The following STIM1 variants were observed in gnomAD, a reference collection of about 807,000 sequenced individuals.
The protein encoded by STIM1 is stromal interaction molecule 1.
STIM1 carries 25 observed loss-of-function variants against 74.7 expected under a neutral mutation model. That is an observed-to-expected ratio of 0.33 (90% confidence interval 0.24 to 0.47). The LOEUF (loss-of-function observed/expected upper bound fraction) is 0.47, where lower values mean the gene tolerates loss of function less well. Ranked by LOEUF, STIM1 falls within the 20% of genes least tolerant of loss-of-function variation. The pLI, the probability that STIM1 is intolerant of heterozygous loss-of-function variation, is 1.00. For missense variants in STIM1, 728 were observed against 920.8 expected (o/e 0.79, Z 2.71); for synonymous variants, 328 against 348.8 (o/e 0.94, Z 0.66).
rs2094531001 is a variant in STIM1, at chr11:4,092,673, G to C, written c.*875G>C. ...CAGGACAAGTGGCTCCCCTGGCCAG[G>C]AGAGCCACAGCCATGATACAGGGCT... On this transcript the variant is annotated 3_prime_UTR_variant, in exon 13 of 13. Transcript: ENST00000526596. 1 of 152,202 alleles carries C rather than the reference G, an allele frequency of 6.6e-6. No homozygotes were observed. The highest frequency in any genetic ancestry group is 2.1e-4 in the South Asian group (1 of 4,828). The allele number at this position is 152,202 out of a possible 1,614,324, so 9.4% of individuals were successfully genotyped here.
intron 1 of STIM1, among the ~76,000 whole-genome samples, chr11:3,900,544 T>C (rs1321497728): frequency 6.6e-6 from 1 of 152,242 alleles, no homozygotes; most frequent in Non-Finnish European, 1.5e-5. Flanking sequence ...CTGGGAGCTG[T>C]AGGCCAGAGC....
chr11:4,091,221 T>C (rs2094522514), intron 12 of STIM1, 61 bp from the exon 13 acceptor site: 2 of 1,610,580 alleles, frequency 1.2e-6, no homozygotes, highest in Non-Finnish European at 1.7e-6. Context: ...CCTCTTCGCC[T>C]TTCCCCTATC....
At chr11:3,965,864 G>T (rs561710346) in intron 1 of STIM1, among the ~76,000 whole-genome samples, 6 of 152,166 alleles carry the variant, frequency 3.9e-5, no homozygotes, top group Non-Finnish European at 7.4e-5. Flanking sequence ...AAAATTAGCC[G>T]GGCGTGGTGG....
intron 2 of STIM1, among the ~76,000 whole-genome samples, chr11:3,979,196 T>G (rs1354589548): frequency 3.3e-5 from 5 of 152,162 alleles, no homozygotes; most frequent in African/African-American, 1.2e-4. Context: ...TAATTAATAA[T>G]AATTATATTC....
At chr11:3,858,600 A>G (rs1258396296) in intron 1 of STIM1, among the ~76,000 whole-genome samples, 1 of 152,194 alleles carries the variant, frequency 6.6e-6, no homozygotes. Context: ...GGTGGTTCAT[A>G]TAGACTGGGA....
chr11:4,026,531 AT>A (rs760627219), intron 3 of STIM1, among the ~76,000 whole-genome samples: 10 of 152,200 alleles, frequency 6.6e-5, no homozygotes, highest in Non-Finnish European at 8.8e-5. Context: ...CCCCGATAAG[AT>A]TACTCTCACT....
At chr11:3,961,005 GGT>G (rs938762219) in intron 1 of STIM1, among the ~76,000 whole-genome samples, 11 of 151,716 alleles carry the variant, frequency 7.3e-5, no homozygotes, top group African/African-American at 2.7e-4. Context: ...GTCCCTGAAA[GGT>G]GATTTTTTTT....
At chr11:4,071,897 T>C (rs1020520168) in intron 6 of STIM1, among the ~76,000 whole-genome samples, 6 of 152,146 alleles carry the variant, frequency 3.9e-5, no homozygotes, top group East Asian at 1.9e-4. Context: ...AGCAGACTTA[T>C]TGGATTTATT....
At chr11:3,965,922 G>C (rs2093336281) in intron 1 of STIM1, among the ~76,000 whole-genome samples, 2 of 152,218 alleles carry the variant, frequency 1.3e-5, no homozygotes, top group African/African-American at 4.8e-5. Context: ...CAGGAGAATT[G>C]CTTGAGCCCA....
chr11:3,988,424 C>T (rs564924608), intron 2 of STIM1, among the ~76,000 whole-genome samples: 2 of 152,106 alleles, frequency 1.3e-5, no homozygotes, highest in African/African-American at 2.4e-5. Flanking sequence ...TCTTAACATA[C>T]GTACCGAAAA....
rs191058460 is a variant in STIM1, at chr11:4,064,480, A to G, written c.613+5084A>G. Among the ~76,000 whole-genome samples, 640 of 152,324 alleles carry G rather than the reference A, an allele frequency of 4.2e-3. 2 individuals carry two copies. The highest frequency in any genetic ancestry group is 0.014 in the African/African-American group (575 of 41,570). ...GAGCAGACACTTAGACCTCATCATC[A>G]GTCATTTAGCACACAAACACCCCAG... On this transcript the variant is annotated intron_variant, in intron 5 of 12. Coordinates refer to ENST00000526596, the MANE Select transcript of STIM1 (RefSeq NM_001382567.1).
chr11:3,893,815 C>T (rs2091971725), intron 1 of STIM1, among the ~76,000 whole-genome samples: 1 of 152,098 alleles, frequency 6.6e-6, no homozygotes, highest in African/African-American at 2.4e-5. Flanking sequence ...TGCCACCATG[C>T]CTGGCTAATA....
chr11:3,959,290 G>C (rs2093257864), intron 1 of STIM1, among the ~76,000 whole-genome samples: 1 of 152,186 alleles, frequency 6.6e-6, no homozygotes, highest in African/African-American at 2.4e-5. Context: ...ATGAATTACT[G>C]TTTAGTGACG....
At chr11:3,968,747 A>C (rs1332730252) in intron 2 of STIM1, among the ~76,000 whole-genome samples, 1 of 152,248 alleles carries the variant, frequency 6.6e-6, no homozygotes, top group African/African-American at 2.4e-5. Context: ...CTATCTTTAA[A>C]TACATAAGAA....
intron 1 of STIM1, among the ~76,000 whole-genome samples, chr11:3,866,759 A>C (rs1195300145): frequency 1.3e-5 from 2 of 152,184 alleles, no homozygotes; most frequent in Non-Finnish European, 2.9e-5. Context: ...ACAGTATGAC[A>C]GTGTGATCCA....
At chr11:3,889,109 G>A (rs191023569) in intron 1 of STIM1, among the ~76,000 whole-genome samples, 9 of 149,224 alleles carry the variant, frequency 6.0e-5, no homozygotes, top group Admixed American at 4.7e-4. Context: ...TTTAGTGAGT[G>A]CTTACTATGT....
intron 2 of STIM1, among the ~76,000 whole-genome samples, chr11:4,019,790 G>C (rs1276811292): frequency 6.6e-6 from 1 of 152,086 alleles, no homozygotes; most frequent in Non-Finnish European, 1.5e-5. Flanking sequence ...TCATTTCTTT[G>C]TGGTGAACAT....
intron 1 of STIM1, among the ~76,000 whole-genome samples, chr11:3,954,915 T>C (rs1464212345): frequency 6.6e-6 from 1 of 152,142 alleles, no homozygotes; most frequent in African/African-American, 2.4e-5. Flanking sequence ...TCAAGAAAAA[T>C]GAAAACATAT....
chr11:3,869,739 G>A (rs981067198), intron 1 of STIM1, among the ~76,000 whole-genome samples: 3 of 152,306 alleles, frequency 2.0e-5, no homozygotes, highest in East Asian at 1.9e-4. Flanking sequence ...CCTGACCTGA[G>A]TTTTGCTTTA....
Sources: gnomAD v4.1 joint callset for allele counts (sites outside exome capture counted in the v4.1 genomes callset) on GRCh38, gnomAD v4.1.1 for gene constraint, MANE v1.5 for transcripts, NCBI Gene and HGNC (gene_info 2026-07-23, HGNC 2026-07-21) for gene names.